ULK1: variants seen among roughly 807,000 people sequenced by gnomAD.
ULK1 encodes unc-51 like autophagy activating kinase 1.
A neutral mutation model predicts 117.5 loss-of-function variants in ULK1; 48 were observed. The ratio of observed to expected loss-of-function variants is 0.41; its 90% confidence interval spans 0.32 to 0.52. The LOEUF is 0.52. ULK1 is among the 20% of genes least tolerant of loss of function. The pLI is 0.29. For missense variants in ULK1, 1,387 were observed against 1,473.4 expected (o/e 0.94, Z 0.96); for synonymous variants, 790 against 637.8 (o/e 1.24, Z -3.60).
intron 16 of ULK1, 71 bp downstream of exon 16, chr12:131,914,548 C>A: frequency 6.5e-7 from 1 of 1,543,542 alleles, no homozygotes; most frequent in South Asian, 1.2e-5. Flanking sequence ...CCACGGCTCC[C>A]ATAGAGGGAC....
intron 22 of ULK1, 65 bp from the exon 23 acceptor site, chr12:131,918,432 G>C: frequency 6.5e-7 from 1 of 1,527,088 alleles, no homozygotes; most frequent in Non-Finnish European, 8.8e-7. Flanking sequence ...GGAGTCTGTG[G>C]GGGATGGATG....
intron 26 of ULK1, chr12:131,920,347 C>T (rs765494962): frequency 2.0e-5 from 12 of 602,228 alleles, no homozygotes; most frequent in Admixed American, 9.7e-5. Context: ...GGTGCCGTGG[C>T]CCATGTGCAT....
intron 9 of ULK1, 32 bp from the exon 10 acceptor site, chr12:131,909,887 G>A: frequency 1.2e-6 from 2 of 1,610,874 alleles, no homozygotes; most frequent in Non-Finnish European, 1.7e-6. Flanking sequence ...GGCCCCGCAG[G>A]CCCTGCTCAC....
At chr12:131,910,174 G>C in intron 10 of ULK1, 80 bp from the exon 11 acceptor site, 4 of 1,596,262 alleles carry the variant, frequency 2.5e-6, no homozygotes, top group Non-Finnish European at 3.4e-6. Context: ...AACGCGGCTG[G>C]AGCTCAGGCC....
rs775683060 is a variant in ULK1, at chr12:131,917,495, T to C, written c.2267T>C (p.Val756Ala). 3 of 1,497,492 alleles carry C rather than the reference T, an allele frequency of 2.0e-6. No homozygotes were observed. Among genetic ancestry groups the C allele is most frequent in the Non-Finnish European group, 2.7e-6 (3 of 1,121,810 alleles). The allele number at this position is 1,497,492 out of a possible 1,614,324, so 92.8% of individuals were successfully genotyped here. Reference protein sequence around the residue: ...TSSPSPVVFTVGSPPSGSTPP... With the variant: ...TSSPSPVVFTAGSPPSGSTPP... ...AGCCCTTCCCCGGTGGTCTTCACCG[T>C]GGGCTCTCCCCCGAGCGGGAGCACG... is the stretch of plus-strand genomic sequence containing the variant. The change falls in exon 22 of 28, where the codon GTG (valine) becomes GCG (alanine). Residue 756 changes from valine (V) to alanine (A), a missense_variant. Physicochemically the swap from Val to Ala is moderately conservative, Grantham distance 64. This residue lies in a region of ULK1 where 900 missense variants were observed against 858.9 expected (regional missense o/e 1.05). Coordinates refer to ENST00000321867, the MANE Select transcript of ULK1 (RefSeq NM_003565.4).
chr12:131,915,448 G>C (rs371200860), intron 18 of ULK1, 27 bp downstream of exon 18: 52 of 1,608,274 alleles, frequency 3.2e-5, no homozygotes, highest in Non-Finnish European at 4.2e-5. Flanking sequence ...GGGGGGAGGG[G>C]GTGCTAGGCT....
chr12:131,898,901 T>C (rs1406441511), intron 3 of ULK1, among the ~76,000 whole-genome samples: 1 of 151,456 alleles, frequency 6.6e-6, no homozygotes, highest in Non-Finnish European at 1.5e-5. Flanking sequence ...TTTTTTGAGA[T>C]GGAGCTTCTC....
chr12:131,918,705 T>G, intron 23 of ULK1, 24 bp downstream of exon 23: 4 of 1,346,052 alleles, frequency 3.0e-6, no homozygotes, highest in East Asian at 3.5e-5. Flanking sequence ...TGAGCAAAGG[T>G]TCCCATTCTG....
rs1889376560 is a variant in ULK1 at position 131,908,516 on chromosome 12, GGTTTCCTCCC to G, written c.317-126_317-117del. 5.0e-6 allele frequency: 6 copies of G among 1,191,578 alleles called. No homozygotes were observed. In the South Asian group the frequency reaches 8.9e-5, roughly 18 times the overall value. The allele number at this position is 1,191,578 out of a possible 1,614,324, so 73.8% of individuals were successfully genotyped here. On this transcript the variant is annotated intron_variant, in intron 5 of 27. Transcript: ENST00000321867. ...GTGGCTTGTGCCCCTCCTGACCCGGGGTTTCCTCCCGGCCTGCGGCCCTGCCTGGCGCTCT... is the reference window on the plus strand; with the variant it reads ...GTGGCTTGTGCCCCTCCTGACCCGGGGGCCTGCGGCCCTGCCTGGCGCTCT...
At chr12:131,899,326 T>A (rs1330957284) in intron 3 of ULK1, among the ~76,000 whole-genome samples, 1 of 150,506 alleles carries the variant, frequency 6.6e-6, no homozygotes, top group African/African-American at 2.5e-5. Flanking sequence ...GTAGCTGGGA[T>A]TACAGACATG....
rs759569300 is a variant in ULK1, at chr12:131,917,544, G to A, written c.2316G>A (p.Arg772=). 2.8e-6 allele frequency: 4 copies of A among 1,438,322 alleles called. No individual in the cohort carries two copies. Among genetic ancestry groups the A allele is most frequent in the Non-Finnish European group, 3.7e-6 (4 of 1,091,190 alleles). The allele number at this position is 1,438,322 out of a possible 1,614,324, so 89.1% of individuals were successfully genotyped here. Residue 772 remains arginine, a synonymous_variant, in exon 22 of 28, where the codon AGG becomes AGA. Coordinates refer to ENST00000321867, the MANE Select transcript of ULK1 (RefSeq NM_003565.4). ...CGCCCCCCCAGGGCCCCCGCACCAG[G>A]ATGTTCTCAGGTGAGGGCTGGCTAG... is the stretch of plus-strand genomic sequence containing the variant. ...GSTPPQGPRT[R]MFSAGPTGSA... is the part of the protein sequence containing the mutation.
chr12:131,911,896 T>C (rs371615279), intron 12 of ULK1, 46 bp from the exon 13 acceptor site: 2 of 1,612,436 alleles, frequency 1.2e-6, no homozygotes, highest in Non-Finnish European at 1.7e-6. Context: ...CCCCTGAGTG[T>C]GTAGGTCCCT....
Position 131,917,535 on chromosome 12 carries a change from C to T in ULK1, c.2307C>T (p.Pro769=). The change falls in exon 22 of 28, where the codon CCC becomes CCT. Residue 769 remains proline (P), a synonymous_variant. Coordinates refer to ENST00000321867, the MANE Select transcript of ULK1 (RefSeq NM_003565.4). ...PPSGSTPPQG[P]RTRMFSAGPT... is the part of the protein sequence containing the mutation. Reference sequence around the variant, plus strand: ...GCGGGAGCACGCCCCCCCAGGGCCCCCGCACCAGGATGTTCTCAGGTGAGG... The same window carrying T: ...GCGGGAGCACGCCCCCCCAGGGCCCTCGCACCAGGATGTTCTCAGGTGAGG... The T allele has an allele frequency of 6.9e-7, 1 of 1,442,754 alleles. No individual in the cohort carries two copies. The highest frequency in any genetic ancestry group is 9.1e-7 in the Non-Finnish European group (1 of 1,093,584). The allele number at this position is 1,442,754 out of a possible 1,614,324, so 89.4% of individuals were successfully genotyped here.
rs1462743499 is a variant in ULK1 at position 131,922,826 on chromosome 12, ACTT to A, written c.*1470_*1472del. The A allele has an allele frequency of 6.6e-6, 1 of 152,496 alleles. No homozygotes were observed. Among genetic ancestry groups the A allele is most frequent in the Non-Finnish European group, 1.5e-5 (1 of 68,040 alleles). 9.4% of individuals were successfully genotyped at this position (152,496 alleles called of 1,614,324 possible). ...GACTTAGAAGAAGAAAATCCCCGTG[ACTT>A]CTTCCTCATCACCTTGATGGCTTTA... On this transcript the variant is annotated 3_prime_UTR_variant, in exon 28 of 28. Coordinates refer to ENST00000321867, the MANE Select transcript of ULK1 (RefSeq NM_003565.4).
rs778412959 is a variant in ULK1, at chr12:131,915,876, C to T, written c.1610-15C>T. 65 of 1,607,762 alleles carry T rather than the reference C, an allele frequency of 4.0e-5. No individual in the cohort carries two copies. Among genetic ancestry groups the T allele is most frequent in the South Asian group, 6.6e-5 (6 of 91,052 alleles). The stretch of plus-strand genomic sequence containing the variant: ...GCCGGACCGGAAGGTCGTGACGAGG[C>T]GTGTCTCTCTCTAGGCTCCTCTGCA... On this transcript the variant is annotated splice_polypyrimidine_tract_variant and intron_variant, in intron 18 of 27. Transcript: ENST00000321867.
chr12:131,919,532 A>C lies in ULK1; in HGVS notation c.2745A>C (p.Gln915His). Residue 915 changes from glutamine (Q) to histidine (H), a missense_variant, in exon 25 of 28, where the codon CAA (glutamine) becomes CAC (histidine). This residue lies in a region of ULK1 where 900 missense variants were observed against 858.9 expected (regional missense o/e 1.05). Coordinates refer to ENST00000321867, the MANE Select transcript of ULK1 (RefSeq NM_003565.4). The stretch of plus-strand genomic sequence containing the variant: ...CCGAGCTACTGTCCTCCGGCCTGCA[A>C]AGTGCCATCGACCAGATCCGGGCCG... The part of the protein sequence containing the change: ...KVAELLSSGL[Q>H]SAIDQIRAGK... The C allele has an allele frequency of 6.2e-7, 1 of 1,612,244 alleles. No individual in the cohort carries two copies. Among genetic ancestry groups the C allele is most frequent in the African/African-American group, 1.3e-5 (1 of 75,046 alleles).
chr12:131,897,511 T>C (rs1176435049), intron 3 of ULK1: 1 of 152,244 alleles, frequency 6.6e-6, no homozygotes, highest in African/African-American at 2.4e-5. Flanking sequence ...CTCTGCGCCG[T>C]GAATTTTGTC....
At chr12:131,917,717 C>T (rs1011922135) in intron 22 of ULK1, among the ~76,000 whole-genome samples, 163 bp downstream of exon 22, 1 of 152,166 alleles carries the variant, frequency 6.6e-6, no homozygotes, top group African/African-American at 2.4e-5. Flanking sequence ...CTCTGTCTCC[C>T]CGTCTGCGAA....
At chr12:131,917,380 G>A in intron 21 of ULK1, 31 bp from the exon 22 acceptor site, 1 of 1,417,274 alleles carries the variant, frequency 7.1e-7, no homozygotes, top group Non-Finnish European at 9.2e-7. Context: ...CGGGAGTCAG[G>A]ATGCTCCTGA....
Sources: gnomAD v4.1 joint callset for allele counts (sites outside exome capture counted in the v4.1 genomes callset) on GRCh38, gnomAD v4.1.1 for gene constraint, gnomAD v4.1.1 regional missense constraint, MANE v1.5 for transcripts, NCBI Gene and HGNC (gene_info 2026-07-23, HGNC 2026-07-21) for gene names.